USP3: variants seen among roughly 807,000 people sequenced by gnomAD.
USP3 encodes ubiquitin carboxyl-terminal hydrolase 3.
Under a neutral mutation model 72.3 loss-of-function variants are expected in USP3, and 20 were observed. The observed-to-expected ratio is 0.28, with a 90% confidence interval of 0.19 to 0.40. The LOEUF (loss-of-function observed/expected upper bound fraction) is 0.40. Among genes scored for constraint, USP3 ranks in the 10% least tolerant of loss-of-function variants. USP3 has a pLI of 1.00. For missense variants in USP3, 479 were observed against 633.9 expected, an observed-to-expected ratio of 0.76 and a Z score of 2.62; for synonymous variants, 222 against 225.3, an observed-to-expected ratio of 0.99 and a Z score of 0.13.
At chr15:63,535,963 T>C (rs2066149320) in intron 2 of USP3, among the ~76,000 whole-genome samples, 1 of 152,242 alleles carries the variant, frequency 6.6e-6, no homozygotes, top group South Asian at 2.1e-4. Flanking sequence ...CTGGGAAATG[T>C]TGCTTCTTAA....
At chr15:63,587,925 CT>C (rs569420655) in intron 11 of USP3, 10 of 156,660 alleles carry the variant, frequency 6.4e-5, no homozygotes, top group East Asian at 5.6e-4. Flanking sequence ...CTAAATTTGA[CT>C]TTTTTTTATG....
At position 63,504,709 on chromosome 15, in the gene USP3, C is replaced by G. The variant is rs1428757334; in HGVS notation, c.-31C>G. 2 of 1,571,094 alleles carry G rather than the reference C, an allele frequency of 1.3e-6. No individual in the cohort carries two copies. Among genetic ancestry groups the G allele is most frequent in the East Asian group, 2.4e-5 (1 of 41,836 alleles). On this transcript the variant is annotated 5_prime_UTR_variant, in exon 1 of 15. Transcript: ENST00000380324. Reference sequence around the variant, plus strand: ...CCCCCACCTCGCCGGGTCCTGGAGCCGCAGTCCTCCCAGCTGCCCTCCTCG... The same window carrying G: ...CCCCCACCTCGCCGGGTCCTGGAGCGGCAGTCCTCCCAGCTGCCCTCCTCG...
At chr15:63,566,916 T>A (rs994232429) in intron 8 of USP3, among the ~76,000 whole-genome samples, 1 of 152,242 alleles carries the variant, frequency 6.6e-6, no homozygotes, top group Non-Finnish European at 1.5e-5. Flanking sequence ...ATTCTTTTTT[T>A]AATGTCAAGG....
chr15:63,563,712 T>C (rs1014598712), intron 8 of USP3, among the ~76,000 whole-genome samples: 4 of 152,202 alleles, frequency 2.6e-5, no homozygotes, highest in Non-Finnish European at 5.9e-5. Context: ...CTGAAGCAAG[T>C]CATGGTTCTT....
chr15:63,563,048 G>A, intron 8 of USP3, 40 bp downstream of exon 8: 1 of 1,318,140 alleles, frequency 7.6e-7, no homozygotes. Context: ...ATTAATATTA[G>A]TGTTTATACT....
At chr15:63,587,580 A>C (rs1245319814) in intron 11 of USP3, 1 of 152,234 alleles carries the variant, frequency 6.6e-6, no homozygotes, top group Non-Finnish European at 1.5e-5. Flanking sequence ...AATTTTCAAG[A>C]ACCTGTCATG....
chr15:63,568,087 G>A (rs2066720762), intron 8 of USP3, among the ~76,000 whole-genome samples: 1 of 152,138 alleles, frequency 6.6e-6, no homozygotes, highest in South Asian at 2.1e-4. Context: ...GGGTATGGTG[G>A]CTCATGCCTG....
chr15:63,537,934 C>T (rs1374412757), intron 3 of USP3, among the ~76,000 whole-genome samples: 1 of 152,034 alleles, frequency 6.6e-6, no homozygotes, highest in East Asian at 1.9e-4. Context: ...ATTTGCCTGC[C>T]TCGGCCTCCT....
chr15:63,546,160 C>T (rs1009415862), intron 3 of USP3, among the ~76,000 whole-genome samples: 3 of 152,076 alleles, frequency 2.0e-5, no homozygotes, highest in African/African-American at 7.2e-5. Flanking sequence ...GCCTGGACCT[C>T]CTCTCCTAGA....
intron 8 of USP3, among the ~76,000 whole-genome samples, chr15:63,568,876 A>G (rs1424402838): frequency 2.0e-5 from 3 of 152,222 alleles, no homozygotes; most frequent in African/African-American, 7.2e-5. Context: ...TGTAGTTTAA[A>G]GAAGATGTGT....
chr15:63,535,882 T>G (rs1486860531), intron 2 of USP3, among the ~76,000 whole-genome samples: 1 of 152,228 alleles, frequency 6.6e-6, no homozygotes, highest in Non-Finnish European at 1.5e-5. Context: ...TTGGTACCAT[T>G]TAACCAACAT....
chr15:63,576,247 A>G (rs972774865), intron 11 of USP3, among the ~76,000 whole-genome samples: 5 of 152,186 alleles, frequency 3.3e-5, no homozygotes, highest in African/African-American at 9.7e-5. Flanking sequence ...TTGGCTTCCT[A>G]AAGTGCTGGG....
At chr15:63,541,847 A>C (rs1295867871) in intron 3 of USP3, among the ~76,000 whole-genome samples, 1 of 152,132 alleles carries the variant, frequency 6.6e-6, no homozygotes, top group Non-Finnish European at 1.5e-5. Flanking sequence ...GTGAATGAAA[A>C]GGAGCTGGTG....
intron 4 of USP3, among the ~76,000 whole-genome samples, chr15:63,554,344 C>T (rs1224920848): frequency 6.6e-6 from 1 of 152,144 alleles, no homozygotes; most frequent in African/African-American, 2.4e-5. Flanking sequence ...AATACTTTGT[C>T]ATCATAAAGA....
At chr15:63,521,611 T>G (rs1290737434) in intron 1 of USP3, among the ~76,000 whole-genome samples, 1 of 152,202 alleles carries the variant, frequency 6.6e-6, no homozygotes, top group Non-Finnish European at 1.5e-5. Flanking sequence ...TAGCCGATCA[T>G]AGGCCCTGGG....
rs2066290928 is a variant in USP3 at position 63,544,428 on chromosome 15, G to A, written c.284+7272G>A. 2.4e-6 allele frequency: 1 copy of A among 420,182 alleles called. No individual in the cohort carries two copies. Among genetic ancestry groups the A allele is most frequent in the African/African-American group, 2.0e-5 (1 of 49,458 alleles). 26.0% of individuals were successfully genotyped at this position (420,182 alleles called of 1,614,324 possible). A position where few individuals can be genotyped will look rare whatever the true frequency, so the allele number is the denominator to read the frequency against. On this transcript the variant is annotated intron_variant, in intron 3 of 14. Coordinates refer to ENST00000380324, the MANE Select transcript of USP3 (RefSeq NM_006537.4). This position sits in a 1 kb window ranked among gnomAD's most constrained non-coding sequence, Gnocchi z 4.2. ...TTAACCAAAACTAGTGAAAGGGGAAGTAGCTGGATTTCAATCCAAAGTTAT... is the reference window on the plus strand; with the variant it reads ...TTAACCAAAACTAGTGAAAGGGGAAATAGCTGGATTTCAATCCAAAGTTAT...
intron 1 of USP3, among the ~76,000 whole-genome samples, chr15:63,518,689 T>C (rs1373652625): frequency 6.6e-6 from 1 of 152,212 alleles, no homozygotes; most frequent in Non-Finnish European, 1.5e-5. Context: ...ATATATTTAC[T>C]CTCTGTTTAT....
rs572881751 is a variant in USP3 at position 63,548,616 on chromosome 15, C to T, written c.285-5099C>T. Among the ~76,000 whole-genome samples the T allele has an allele frequency of 2.6e-5, 4 of 152,186 alleles. No individual in the cohort carries two copies. In the South Asian group the frequency reaches 8.3e-4, roughly 32 times the overall value. On this transcript the variant is annotated intron_variant, in intron 3 of 14. Coordinates refer to ENST00000380324, the MANE Select transcript of USP3 (RefSeq NM_006537.4). ...GTGCTGGGATTATAGGCGTGAGCCACCTTGCCCAGGGAATTTTTTATTTTT... is the reference window on the plus strand; with the variant it reads ...GTGCTGGGATTATAGGCGTGAGCCATCTTGCCCAGGGAATTTTTTATTTTT...
At chr15:63,562,811 A>G in intron 7 of USP3, 84 bp from the exon 8 acceptor site, 1 of 781,090 alleles carries the variant, frequency 1.3e-6, no homozygotes, top group African/African-American at 1.8e-5. Context: ...TTTCCTATAT[A>G]TTAGGCATTT....
Sources: allele counts gnomAD v4.1 joint callset (sites outside exome capture counted in the v4.1 genomes callset), GRCh38; gene constraint gnomAD v4.1.1; non-coding constraint Gnocchi (gnomAD v3.1); transcripts MANE v1.5; gene names NCBI Gene and HGNC (gene_info 2026-07-23, HGNC 2026-07-21).